Variants in COX19 observed in about 807,000 individuals in gnomAD.
The protein encoded by COX19 is cytochrome c oxidase assembly factor COX19.
A neutral mutation model predicts 6.8 loss-of-function variants in COX19; 8 were observed. The observed-to-expected ratio is 1.18, with a 90% CI of 0.69 to 2.12. The LOEUF is 2.12. Ranked by LOEUF, COX19 falls within the 30% of genes most tolerant of loss-of-function variation. The pLI, the probability that COX19 is intolerant of heterozygous loss-of-function variation, is 0.00. For synonymous variants in COX19, 51 were observed against 38.0 expected (o/e 1.34, Z -1.26); for missense variants, 131 against 104.6 (o/e 1.25, Z -1.10).
intron 2 of COX19, 40 bp from the exon 3 acceptor site, chr7:969,496 G>C (rs1377096298): frequency 9.2e-6 from 12 of 1,299,650 alleles, no homozygotes; most frequent in Non-Finnish European, 1.3e-5. Flanking sequence ...GGGAGGTGCA[G>C]AGAGGACAAG....
intron 2 of COX19, among the ~76,000 whole-genome samples, chr7:969,837 T>G (rs1583202731): frequency 6.6e-6 from 1 of 152,002 alleles, no homozygotes; most frequent in Non-Finnish European, 1.5e-5. Flanking sequence ...CCCCTAAAGG[T>G]GTTCACGCCC....
In COX19 at chr7:965,656, G is replaced by T. The variant is rs1385766460; in HGVS notation, c.*3722C>A. Among the ~76,000 whole-genome samples, 4 of 151,666 alleles carry T rather than the reference G, an allele frequency of 2.6e-5. No individual in the cohort carries two copies. In the East Asian group the frequency reaches 7.7e-4, roughly 29 times the overall value. On this transcript the variant is annotated 3_prime_UTR_variant, in exon 3 of 3. Coordinates refer to ENST00000344111, the MANE Select transcript of COX19 (RefSeq NM_001031617.3). ...ACCACTCACTTCATGGCAACTGAGG[G>T]TTTTTTTTTGAGACGGTTCTGTCGC...
At position 969,324 on chromosome 7, in the gene COX19, G is replaced by A; in HGVS notation, c.*54C>T. ...CAGCCAACCTAAGAGGCAGGATGAT[G>A]CCCTCCGTCCTGAGAGACCACTGAA... is the stretch of plus-strand genomic sequence containing the variant. On this transcript the variant is annotated 3_prime_UTR_variant, in exon 3 of 3. Transcript: ENST00000344111. The A allele has an allele frequency of 9.0e-7, 1 of 1,113,514 alleles. No homozygotes were observed. Among genetic ancestry groups the A allele is most frequent in the Non-Finnish European group, 1.4e-6 (1 of 725,336 alleles). The allele number at this position is 1,113,514 out of a possible 1,614,324, so 69.0% of individuals were successfully genotyped here.
At position 969,387 on chromosome 7, in the gene COX19, T is replaced by G; in HGVS notation, c.264A>C (p.Ala88=). Residue 88 remains alanine, a synonymous_variant, in exon 3 of 3, where the codon GCA becomes GCC. Coordinates refer to ENST00000344111, the MANE Select transcript of COX19 (RefSeq NM_001031617.3). Reference sequence around the variant, plus strand: ...GTCTTCTCATCAAAATTCATTTTTTTGCCTCTGATTTTCCACTAGTCAAGT... The same window carrying G: ...GTCTTCTCATCAAAATTCATTTTTTGGCCTCTGATTTTCCACTAGTCAAGT... The part of the protein sequence containing the change: ...FGDLTSGKSE[A]KK The G allele has an allele frequency of 6.2e-7, 1 of 1,604,540 alleles. No individual in the cohort carries two copies. Among genetic ancestry groups the G allele is most frequent in the Non-Finnish European group, 8.5e-7 (1 of 1,171,278 alleles).
Position 967,774 on chromosome 7 carries a change from TG to T in COX19, c.*1603del, listed in dbSNP as rs1308547287. 1 of 152,394 alleles carries T rather than the reference TG, an allele frequency of 6.6e-6. No individual in the cohort carries two copies. The highest frequency in any genetic ancestry group is 1.5e-5 in the Non-Finnish European group (1 of 68,132). 9.4% of individuals were successfully genotyped at this position (152,394 alleles called of 1,614,324 possible). A position where few individuals can be genotyped will look rare whatever the true frequency, so the allele number is the denominator to read the frequency against. ...GCCCATCAGTTCCAGCTCCTCCTTC[TG>T]GATTTCTCGTTTGTAGTTTCCTGTG... is the stretch of plus-strand genomic sequence containing the variant. On this transcript the variant is annotated 3_prime_UTR_variant, in exon 3 of 3. Transcript: ENST00000344111.
At chr7:971,919 T>C (rs1454575842) in intron 2 of COX19, among the ~76,000 whole-genome samples, 3 of 152,178 alleles carry the variant, frequency 2.0e-5, no homozygotes, top group Non-Finnish European at 2.9e-5. Flanking sequence ...TCAGAACACA[T>C]GCCCTGAACA....
Position 967,565 on chromosome 7 carries a change from TC to T in COX19, c.*1812del, listed in dbSNP as rs1428101033. The T allele has an allele frequency of 6.6e-6, 1 of 152,226 alleles. No homozygotes were observed. Among genetic ancestry groups the T allele is most frequent in the Non-Finnish European group, 1.5e-5 (1 of 68,060 alleles). 9.4% of individuals were successfully genotyped at this position (152,226 alleles called of 1,614,324 possible). The stretch of plus-strand genomic sequence containing the variant: ...GCAGGCCCGACCCGGGCCTGGGCAC[TC>T]CCGACGGCGGGTCAGAGTGCGATGG... On this transcript the variant is annotated 3_prime_UTR_variant, in exon 3 of 3. Coordinates refer to ENST00000344111, the MANE Select transcript of COX19 (RefSeq NM_001031617.3).
In COX19 at chr7:964,977, G is replaced by A. The variant is rs184220847; in HGVS notation, c.*4401C>T. Among the ~76,000 whole-genome samples, 851 of 152,322 alleles carry A rather than the reference G, an allele frequency of 5.6e-3. 6 individuals are homozygous for A. The highest frequency in any genetic ancestry group is 9.8e-3 in the Non-Finnish European group (670 of 68,038). On this transcript the variant is annotated 3_prime_UTR_variant, in exon 3 of 3. Transcript: ENST00000344111. ...AATATCTCGTGAGAAGCTCTGGCAG[G>A]AACAGCAGGGTGTCTGGATTCTTAA...
At chr7:971,665 A>G (rs1004470159) in intron 2 of COX19, among the ~76,000 whole-genome samples, 5 of 152,156 alleles carry the variant, frequency 3.3e-5, no homozygotes, top group Non-Finnish European at 4.4e-5. Context: ...AGGTCAGGAG[A>G]TCCAGACCAT....
chr7:966,659 CCCT>C lies in COX19; in HGVS notation c.*2716_*2718del, dbSNP rs1847559463. 1.3e-5 allele frequency: 2 copies of C among 152,284 alleles called. No homozygotes were observed. Among genetic ancestry groups the C allele is most frequent in the Non-Finnish European group, 2.9e-5 (2 of 68,078 alleles). The allele number at this position is 152,284 out of a possible 1,614,324, so 9.4% of individuals were successfully genotyped here. A position where few individuals can be genotyped will look rare whatever the true frequency, so the allele number is the denominator to read the frequency against. ...GAGTGCACGGGTCACTGCGTCCAGGCCCTCAAGAGCTGGGAAGCATTTGTGCAC... is the reference window on the plus strand; with the variant it reads ...GAGTGCACGGGTCACTGCGTCCAGGCCAAGAGCTGGGAAGCATTTGTGCAC... On this transcript the variant is annotated 3_prime_UTR_variant, in exon 3 of 3. Transcript: ENST00000344111.
At position 966,554 on chromosome 7, in the gene COX19, A is replaced by T. The variant is rs1341991134; in HGVS notation, c.*2824T>A. ...AGTCTCCTCATCCCAGCAATTCTTC[A>T]CTCTCTAGCTCATCTGATACCTTCT... is the stretch of plus-strand genomic sequence containing the variant. On this transcript the variant is annotated 3_prime_UTR_variant, in exon 3 of 3. Coordinates refer to ENST00000344111, the MANE Select transcript of COX19 (RefSeq NM_001031617.3). 1 of 151,314 alleles carries T rather than the reference A, an allele frequency of 6.6e-6. No homozygotes were observed. The highest frequency in any genetic ancestry group is 6.6e-5 in the Admixed American group (1 of 15,208). 9.4% of individuals were successfully genotyped at this position (151,314 alleles called of 1,614,324 possible).
intron 1 of COX19, among the ~76,000 whole-genome samples, chr7:974,300 T>C (rs1847674109): frequency 6.7e-6 from 1 of 148,758 alleles, no homozygotes; most frequent in African/African-American, 2.5e-5. Flanking sequence ...TGCACACCTA[T>C]AGTCCCAGCT....
intron 2 of COX19, among the ~76,000 whole-genome samples, chr7:969,812 T>C (rs1245711314): frequency 2.0e-5 from 3 of 152,170 alleles, no homozygotes; most frequent in Non-Finnish European, 2.9e-5. Context: ...CTTGCTTTGA[T>C]TGGCAGGATA....
intron 1 of COX19, 24 bp downstream of exon 1, chr7:975,404 G>A: frequency 6.4e-7 from 1 of 1,559,426 alleles, no homozygotes. Flanking sequence ...GCAGACCCCT[G>A]CCCGCCGACC....
At position 967,927 on chromosome 7, in the gene COX19, C is replaced by G. The variant is rs1847582590; in HGVS notation, c.*1451G>C. 3 of 152,314 alleles carry G rather than the reference C, an allele frequency of 2.0e-5. No individual in the cohort carries two copies. The highest frequency in any genetic ancestry group is 2.0e-4 in the Admixed American group (3 of 15,292). The allele number at this position is 152,314 out of a possible 1,614,324, so 9.4% of individuals were successfully genotyped here. ...GTGGCTGCGTCACGGCTCACGTGCA[C>G]TGTGAGGACACTGGGGTTGCTATAG... is the stretch of plus-strand genomic sequence containing the variant. On this transcript the variant is annotated 3_prime_UTR_variant, in exon 3 of 3. Transcript: ENST00000344111.
rs531433970 is a variant in COX19, at chr7:967,377, C to G, written c.*2001G>C. The G allele has an allele frequency of 6.6e-6, 1 of 152,366 alleles. No individual in the cohort carries two copies. Among genetic ancestry groups the G allele is most frequent in the East Asian group, 1.9e-4 (1 of 5,184 alleles). The allele number at this position is 152,366 out of a possible 1,614,324, so 9.4% of individuals were successfully genotyped here. On this transcript the variant is annotated 3_prime_UTR_variant, in exon 3 of 3. Transcript: ENST00000344111. ...CAATACACCTGGCTCTCATCATCCA[C>G]GATGTATTTCTAGTTTTTTCCATCT...
rs1042542767 is a variant in COX19 at position 965,019 on chromosome 7, A to G, written c.*4359T>C. On this transcript the variant is annotated 3_prime_UTR_variant, in exon 3 of 3. Transcript: ENST00000344111. The stretch of plus-strand genomic sequence containing the variant: ...GATTCTTAAGCACAACACATTCAGC[A>G]GCCAGACCCAGAAACTCAAAGGCAG... 7.2e-5 allele frequency among the ~76,000 whole-genome samples: 11 copies of G among 152,356 alleles called. No homozygotes were observed. Among genetic ancestry groups the G allele is most frequent in the African/African-American group, 2.6e-4 (11 of 41,588 alleles).
chr7:971,171 C>A (rs1171179273), intron 2 of COX19, among the ~76,000 whole-genome samples: 1 of 152,202 alleles, frequency 6.6e-6, no homozygotes, highest in Non-Finnish European at 1.5e-5. Context: ...ACACCCGGTG[C>A]CTAAAACTAA....
intron 2 of COX19, among the ~76,000 whole-genome samples, chr7:971,265 T>C (rs1407238938): frequency 6.6e-6 from 1 of 152,170 alleles, no homozygotes; most frequent in Non-Finnish European, 1.5e-5. Flanking sequence ...CACACCTATA[T>C]TTTCACATCA....
Sources: allele counts gnomAD v4.1 joint callset (sites outside exome capture counted in the v4.1 genomes callset), GRCh38; gene constraint gnomAD v4.1.1; transcripts MANE v1.5; gene names NCBI Gene and HGNC (gene_info 2026-07-23, HGNC 2026-07-21).